The following BNC2 variants were observed in gnomAD, a reference collection of about 807,000 sequenced individuals.
The protein encoded by BNC2 is zinc finger protein basonuclin-2.
In BNC2, 20 loss-of-function variants were observed where a neutral mutation model predicts 76.3. The observed-to-expected ratio is 0.26, with a 90% confidence interval of 0.18 to 0.38. The LOEUF (loss-of-function observed/expected upper bound fraction) is 0.38, where lower values mean the gene tolerates loss of function less well. Among genes scored for constraint, BNC2 ranks in the 10% least tolerant of loss-of-function variants. The pLI is 1.00. For synonymous variants in BNC2, 582 were observed against 514.8 expected (o/e 1.13, Z -1.77); for missense variants, 1,382 against 1,399.8 (o/e 0.99, Z 0.20).
At chr9:16,513,808 G>C (rs893196053) in intron 5 of BNC2, among the ~76,000 whole-genome samples, 1 of 152,104 alleles carries the variant, frequency 6.6e-6, no homozygotes, top group Non-Finnish European at 1.5e-5. Flanking sequence ...GGGGATTAGA[G>C]CTACAGGTGA....
intron 3 of BNC2, among the ~76,000 whole-genome samples, chr9:16,637,860 CA>C (rs1362829106): frequency 6.6e-6 from 1 of 152,126 alleles, no homozygotes; most frequent in Non-Finnish European, 1.5e-5. Flanking sequence ...TGCATAGATT[CA>C]AAATGCGAAC....
intron 5 of BNC2, among the ~76,000 whole-genome samples, chr9:16,507,531 C>T (rs547693135): frequency 1.9e-3 from 296 of 152,180 alleles, no homozygotes; most frequent in African/African-American, 6.7e-3. Flanking sequence ...CGGGTTCAAG[C>T]GATTCTCCTG....
At chr9:16,472,693 A>G (rs1821851100) in intron 5 of BNC2, among the ~76,000 whole-genome samples, 1 of 152,216 alleles carries the variant, frequency 6.6e-6, no homozygotes, top group South Asian at 2.1e-4. Flanking sequence ...TGCTTTATGG[A>G]ACTTTAGAAA....
rs563542246 is a variant in BNC2 at position 16,413,869 on chromosome 9, T to C, written c.*5120A>G. On this transcript the variant is annotated 3_prime_UTR_variant, in exon 7 of 7. Transcript: ENST00000380672. Reference sequence around the variant, plus strand: ...TTTAGCCTAGTATTAATTACAATCATGGCTTTGTTGTGTTGCTACAGTGGC... The same window carrying C: ...TTTAGCCTAGTATTAATTACAATCACGGCTTTGTTGTGTTGCTACAGTGGC... 1 of 152,306 alleles carries C rather than the reference T, an allele frequency of 6.6e-6. No individual in the cohort carries two copies. Among genetic ancestry groups the C allele is most frequent in the South Asian group, 2.1e-4 (1 of 4,816 alleles). The allele number at this position is 152,306 out of a possible 1,614,324, so 9.4% of individuals were successfully genotyped here. A position where few individuals can be genotyped will look rare whatever the true frequency, so the allele number is the denominator to read the frequency against.
intron 1 of BNC2, among the ~76,000 whole-genome samples, chr9:16,840,385 C>A (rs1818797787): frequency 6.6e-6 from 1 of 152,326 alleles, no homozygotes; most frequent in South Asian, 2.1e-4. Flanking sequence ...TTCATATCCA[C>A]GCAGTTAATG....
chr9:16,868,431 TAGA>T (rs1819595703), intron 1 of BNC2, among the ~76,000 whole-genome samples: 1 of 152,172 alleles, frequency 6.6e-6, no homozygotes, highest in Non-Finnish European at 1.5e-5. Context: ...ACATCTCAAA[TAGA>T]AGAAAAAATC....
Position 16,722,026 on chromosome 9 carries a change from G to C in BNC2, c.330+5771C>G, listed in dbSNP as rs527884908. 3.3e-5 allele frequency among the ~76,000 whole-genome samples: 5 copies of C among 152,276 alleles called. No individual in the cohort carries two copies. In the South Asian group the frequency reaches 1.0e-3, roughly 32 times the overall value. ...CCTCTCAAAAGCTTTGCAGACAGAT[G>C]ACGGCAGATGCCCAATGCAACTTTT... On this transcript the variant is annotated intron_variant, in intron 3 of 6. Coordinates refer to ENST00000380672, the MANE Select transcript of BNC2 (RefSeq NM_017637.6).
At position 16,439,655 on chromosome 9, in the gene BNC2, T is replaced by C. The variant is rs1005403414; in HGVS notation, c.670-2131A>G. On this transcript the variant is annotated intron_variant, in intron 5 of 6. Coordinates refer to ENST00000380672, the MANE Select transcript of BNC2 (RefSeq NM_017637.6). ...GGATGTAAAATTCTCTCTGAAACACTGCCCTATGGTCTGAATCATCACAGC... is the reference window on the plus strand; with the variant it reads ...GGATGTAAAATTCTCTCTGAAACACCGCCCTATGGTCTGAATCATCACAGC... Among the ~76,000 whole-genome samples the C allele has an allele frequency of 3.9e-5, 6 of 152,196 alleles. No individual in the cohort carries two copies. The East Asian group carries it at 5.8e-4, about 15-fold the overall frequency.
chr9:16,609,180 C>G (rs1445330965), intron 3 of BNC2, among the ~76,000 whole-genome samples: 1 of 152,104 alleles, frequency 6.6e-6, no homozygotes, highest in Non-Finnish European at 1.5e-5. Context: ...GCTCAGAGAG[C>G]TTTTATAACA....
intron 5 of BNC2, among the ~76,000 whole-genome samples, chr9:16,489,965 A>G (rs1421875314): frequency 6.6e-6 from 1 of 152,202 alleles, no homozygotes; most frequent in Non-Finnish European, 1.5e-5. Context: ...ACTTAACAAT[A>G]CTGTTTCTCC....
chr9:16,703,245 T>G (rs545383692), intron 3 of BNC2, among the ~76,000 whole-genome samples: 1 of 152,208 alleles, frequency 6.6e-6, no homozygotes, highest in Non-Finnish European at 1.5e-5. Flanking sequence ...ATCTAAATGT[T>G]AATTGACAGA....
chr9:16,837,732 T>C (rs1818740176), intron 1 of BNC2, among the ~76,000 whole-genome samples: 1 of 152,194 alleles, frequency 6.6e-6, no homozygotes, highest in African/African-American at 2.4e-5. Flanking sequence ...TCTTGAACCA[T>C]TTCAAAGATG....
intron 3 of BNC2, among the ~76,000 whole-genome samples, chr9:16,604,811 A>G (rs1039298254): frequency 1.0e-4 from 11 of 105,578 alleles, no homozygotes; most frequent in Admixed American, 3.6e-4. Flanking sequence ...TCAAGAAAAA[A>G]GAAAAGAAAA....
chr9:16,798,470 A>T (rs565006823), intron 1 of BNC2, among the ~76,000 whole-genome samples: 2 of 152,340 alleles, frequency 1.3e-5, no homozygotes, highest in Admixed American at 1.3e-4. Context: ...TTTTGCAGAC[A>T]AGTATGACAA....
intron 1 of BNC2, among the ~76,000 whole-genome samples, chr9:16,818,382 C>G (rs149690209): frequency 6.6e-6 from 1 of 151,788 alleles, no homozygotes; most frequent in African/African-American, 2.4e-5. Flanking sequence ...CCAGCCTGGG[C>G]AACAAAGCGA....
At chr9:16,678,963 A>C (rs1013792958) in intron 3 of BNC2, among the ~76,000 whole-genome samples, 1 of 152,214 alleles carries the variant, frequency 6.6e-6, no homozygotes, top group South Asian at 2.1e-4. Context: ...CGCCCAAGAT[A>C]GTTGTTTTTA....
chr9:16,759,170 T>TTA (rs1163827994), intron 1 of BNC2, among the ~76,000 whole-genome samples: 2 of 152,200 alleles, frequency 1.3e-5, no homozygotes, highest in Non-Finnish European at 2.9e-5. Context: ...AATCTCACAC[T>TTA]TCTATAATAA....
At chr9:16,809,405 G>C (rs1361307002) in intron 1 of BNC2, among the ~76,000 whole-genome samples, 2 of 152,010 alleles carry the variant, frequency 1.3e-5, no homozygotes, top group Non-Finnish European at 2.9e-5. Flanking sequence ...AATAACTTCA[G>C]TGTTAGGATA....
At chr9:16,475,565 A>C (rs1351863115) in intron 5 of BNC2, among the ~76,000 whole-genome samples, 1 of 152,234 alleles carries the variant, frequency 6.6e-6, no homozygotes, top group Non-Finnish European at 1.5e-5. Flanking sequence ...ATTACACAAA[A>C]TGCATAATTA....
Sources: allele counts gnomAD v4.1 joint callset (sites outside exome capture counted in the v4.1 genomes callset), GRCh38; gene constraint gnomAD v4.1.1; transcripts MANE v1.5; gene names NCBI Gene and HGNC (gene_info 2026-07-23, HGNC 2026-07-21).